DIP2B: variants seen among roughly 807,000 people sequenced by gnomAD.
The protein encoded by DIP2B is disco-interacting protein 2 homolog B.
DIP2B carries 76 observed loss-of-function variants against 198.0 expected under a neutral mutation model. The observed-to-expected ratio is 0.38, with a 90% confidence interval of 0.32 to 0.46. DIP2B has a LOEUF of 0.46. Among genes scored for constraint, DIP2B ranks in the 20% least tolerant of loss-of-function variants. DIP2B has a pLI of 0.99. For missense variants in DIP2B, 1,559 were observed against 1,978.4 expected (o/e 0.79, Z 4.02); for synonymous variants, 701 against 739.1 (o/e 0.95, Z 0.84).
chr12:50,723,055 A>G (rs1592143223), intron 26 of DIP2B, 147 bp from the exon 27 acceptor site: 1 of 883,132 alleles, frequency 1.1e-6, no homozygotes, highest in East Asian at 2.7e-5. Context: ...TTTCACTTTC[A>G]ATATCTTCTG....
At chr12:50,683,374 C>A in intron 10 of DIP2B, 126 bp downstream of exon 10, 1 of 678,102 alleles carries the variant, frequency 1.5e-6, no homozygotes. Flanking sequence ...GCTTCACTTT[C>A]TAAAAACAGG....
intron 1 of DIP2B, among the ~76,000 whole-genome samples, chr12:50,546,066 T>C (rs545313617): frequency 1.3e-5 from 2 of 152,234 alleles, no homozygotes; most frequent in Non-Finnish European, 2.9e-5. Context: ...CCTGTCAACT[T>C]TGTTTCCATT....
At chr12:50,728,726 G>GCCA (rs1939983315) in intron 30 of DIP2B, 48 bp downstream of exon 30, 1 of 1,592,134 alleles carries the variant, frequency 6.3e-7, no homozygotes, top group Non-Finnish European at 8.6e-7. Context: ...GGTATACTTT[G>GCCA]TGGCCATGGC....
intron 19 of DIP2B, among the ~76,000 whole-genome samples, chr12:50,702,669 C>A (rs937685845): frequency 2.3e-5 from 3 of 130,014 alleles, no homozygotes; most frequent in African/African-American, 8.5e-5. Context: ...CTGTACTGAA[C>A]CATTATTACG....
intron 26 of DIP2B, among the ~76,000 whole-genome samples, chr12:50,722,507 A>G (rs1012925897): frequency 2.0e-5 from 3 of 151,842 alleles, no homozygotes; most frequent in Non-Finnish European, 4.4e-5. Context: ...ACCTGCCCCA[A>G]CCTTCCAAAG....
intron 19 of DIP2B, 71 bp downstream of exon 19, chr12:50,699,273 G>A (rs1939374340): frequency 6.3e-7 from 1 of 1,587,780 alleles, no homozygotes; most frequent in Admixed American, 1.7e-5. Flanking sequence ...AGATCCCCTG[G>A]TTGATGGGAC....
chr12:50,640,680 T>C, intron 2 of DIP2B, 44 bp from the exon 3 acceptor site: 2 of 1,605,476 alleles, frequency 1.2e-6, no homozygotes, highest in Non-Finnish European at 1.7e-6. Context: ...AAATGTTAGC[T>C]ATTACTGTTA....
At chr12:50,603,031 GCAGGCGCCTGTAGTCCCAGCTACT>G (rs776102863) in intron 1 of DIP2B, among the ~76,000 whole-genome samples, 1 of 151,202 alleles carries the variant, frequency 6.6e-6, no homozygotes, top group Non-Finnish European at 1.5e-5. Context: ...GGGCGTGGTG[GCAGGCGCCTGTAGTCCCAGCTACT>G]CGGGAGGCTG....
intron 1 of DIP2B, among the ~76,000 whole-genome samples, chr12:50,584,286 T>C (rs1958750879): frequency 1.3e-5 from 2 of 152,326 alleles, no homozygotes; most frequent in South Asian, 2.1e-4. Flanking sequence ...TTTTAGCAAA[T>C]GGACCCTAGT....
chr12:50,597,843 CAATT>C (rs1246711355), intron 1 of DIP2B, among the ~76,000 whole-genome samples: 2 of 152,160 alleles, frequency 1.3e-5, no homozygotes, highest in Non-Finnish European at 2.9e-5. Flanking sequence ...TGAATTCTCA[CAATT>C]AAGGAGAAGG....
intron 22 of DIP2B, 75 bp downstream of exon 22, chr12:50,708,637 C>G: frequency 8.1e-7 from 1 of 1,227,944 alleles, no homozygotes; most frequent in Non-Finnish European, 1.2e-6. Context: ...TTTCTTCGAT[C>G]AGCCAGTAAT....
At chr12:50,733,507 G>A (rs1001918441) in intron 32 of DIP2B, among the ~76,000 whole-genome samples, 2 of 152,030 alleles carry the variant, frequency 1.3e-5, no homozygotes. Flanking sequence ...GGGCAACATA[G>A]TTGAGACCTC....
intron 33 of DIP2B, 91 bp downstream of exon 33, chr12:50,734,287 T>C: frequency 7.7e-7 from 1 of 1,302,588 alleles, no homozygotes; most frequent in East Asian, 2.3e-5. Flanking sequence ...TCATTCCTTT[T>C]GTTCATATAT....
chr12:50,599,180 T>C (rs1958914279), intron 1 of DIP2B, among the ~76,000 whole-genome samples: 1 of 149,480 alleles, frequency 6.7e-6, no homozygotes, highest in African/African-American at 2.5e-5. Flanking sequence ...TAGTCCCAGC[T>C]ACTCAGGAGG....
intron 1 of DIP2B, among the ~76,000 whole-genome samples, chr12:50,585,403 A>T (rs1172214177): frequency 6.6e-6 from 1 of 152,132 alleles, no homozygotes; most frequent in African/African-American, 2.4e-5. Context: ...GGCTAAGGGG[A>T]TGGAGGGAAT....
At chr12:50,704,306 T>C (rs962949739) in intron 20 of DIP2B, 86 bp downstream of exon 20, 90 of 1,295,986 alleles carry the variant, frequency 6.9e-5, no homozygotes, top group Non-Finnish European at 8.9e-5. Flanking sequence ...TTCTGATTAG[T>C]CCAAGAGTGT....
At chr12:50,576,268 T>C (rs2139413267) in intron 1 of DIP2B, among the ~76,000 whole-genome samples, 1 of 151,956 alleles carries the variant, frequency 6.6e-6, no homozygotes, top group African/African-American at 2.4e-5. Flanking sequence ...GGTTTCTCCA[T>C]GTTGGTCAGG....
intron 1 of DIP2B, among the ~76,000 whole-genome samples, chr12:50,569,908 A>G (rs1469313230): frequency 6.6e-6 from 1 of 152,232 alleles, no homozygotes; most frequent in Non-Finnish European, 1.5e-5. Flanking sequence ...AAAACTAATA[A>G]GTCTAAAACC....
chr12:50,714,845 G>T (rs1181150962), intron 23 of DIP2B, among the ~76,000 whole-genome samples: 1 of 152,212 alleles, frequency 6.6e-6, no homozygotes, highest in Non-Finnish European at 1.5e-5. Context: ...TTCAGAGGCT[G>T]ACAGAGGATG....
Sources: gnomAD v4.1 joint callset for allele counts (sites outside exome capture counted in the v4.1 genomes callset) on GRCh38, gnomAD v4.1.1 for gene constraint, MANE v1.5 for transcripts, NCBI Gene and HGNC (gene_info 2026-07-23, HGNC 2026-07-21) for gene names.